PRPSAP1: variants seen among roughly 807,000 people sequenced by gnomAD.
PRPSAP1 encodes phosphoribosyl pyrophosphate synthase-associated protein 1.
In PRPSAP1, 31 loss-of-function variants were observed where a neutral mutation model predicts 39.4. The observed-to-expected ratio is 0.79, with a 90% CI of 0.59 to 1.06. PRPSAP1 has a LOEUF of 1.06. PRPSAP1 is among the 50% of genes least tolerant of loss of function. The pLI is 0.00. For missense variants in PRPSAP1, 430 were observed against 511.6 expected (o/e 0.84, Z 1.54); for synonymous variants, 212 against 192.6 (o/e 1.10, Z -0.83).
At chr17:76,332,492 G>C in intron 3 of PRPSAP1, 57 bp from the exon 4 acceptor site, 3 of 1,589,436 alleles carry the variant, frequency 1.9e-6, no homozygotes, top group Non-Finnish European at 1.7e-6. Flanking sequence ...CCCTAGAAAA[G>C]ATCTTGACTT....
At chr17:76,323,043 T>C (rs1400356557) in intron 7 of PRPSAP1, among the ~76,000 whole-genome samples, 1 of 150,566 alleles carries the variant, frequency 6.6e-6, no homozygotes, top group African/African-American at 2.5e-5. Context: ...TAAAATAAAA[T>C]AAAAAGAAAT....
At chr17:76,313,720 C>T (rs1410074902) in intron 8 of PRPSAP1, 101 bp downstream of exon 8, 3 of 1,285,452 alleles carry the variant, frequency 2.3e-6, no homozygotes, top group Non-Finnish European at 3.4e-6. Context: ...TACATGGATC[C>T]ATTCGGATCA....
Position 76,309,751 on chromosome 17 carries a change from A to G in PRPSAP1, c.*1791T>C, listed in dbSNP as rs2071049714. ...TGCATAGCTTATATGCAGATACTAC[A>G]CCATTTTCTATCAGGGACTTGCACA... On this transcript the variant is annotated 3_prime_UTR_variant, in exon 10 of 10. Coordinates refer to ENST00000446526, the MANE Select transcript of PRPSAP1 (RefSeq NM_002766.3). 1 of 152,222 alleles carries G rather than the reference A, an allele frequency of 6.6e-6. No individual in the cohort carries two copies. Among genetic ancestry groups the G allele is most frequent in the Non-Finnish European group, 1.5e-5 (1 of 68,034 alleles). 9.4% of individuals were successfully genotyped at this position (152,222 alleles called of 1,614,324 possible).
chr17:76,332,300 A>C lies in PRPSAP1; in HGVS notation c.426T>G (p.Ile142Met). 1 of 1,614,066 alleles carries C rather than the reference A, an allele frequency of 6.2e-7. No individual in the cohort carries two copies. The change falls in exon 4 of 10, where the codon ATT becomes ATG. Residue 142 changes from isoleucine to methionine, a missense_variant. By Grantham distance (10) the Ile-to-Met change is conservative (BLOSUM62 1). Transcript: ENST00000446526. The stretch of plus-strand genomic sequence containing the variant: ...GCATGGATGCTAGCAGCTTGCACAC[A>C]ATGGAACCCCTCTTCCTCATCTTGC... ...KQSKMRKRGS[I>M]VCKLLASMLA... is the part of the protein sequence containing the mutation.
chr17:76,347,204 G>A (rs1231190552), intron 2 of PRPSAP1, among the ~76,000 whole-genome samples: 2 of 148,712 alleles, frequency 1.3e-5, no homozygotes, highest in Non-Finnish European at 3.0e-5. Context: ...CAGACAGAGT[G>A]GGCCGGGCGC....
chr17:76,344,498 C>G (rs1369841419), intron 3 of PRPSAP1, among the ~76,000 whole-genome samples, 173 bp downstream of exon 3: 1 of 152,136 alleles, frequency 6.6e-6, no homozygotes, highest in Non-Finnish European at 1.5e-5. Flanking sequence ...AACTCCTGAC[C>G]TCGTGATCCG....
intron 8 of PRPSAP1, 57 bp from the exon 9 acceptor site, chr17:76,313,073 C>G: frequency 3.2e-6 from 5 of 1,562,644 alleles, no homozygotes; most frequent in Non-Finnish European, 4.3e-6. Context: ...CCCATACTGT[C>G]AATGCACACA....
intron 9 of PRPSAP1, 89 bp from the exon 10 acceptor site, chr17:76,311,789 C>T: frequency 7.1e-7 from 1 of 1,417,214 alleles, no homozygotes; most frequent in East Asian, 2.5e-5. Flanking sequence ...ACATTGAGTT[C>T]CCACAGCCTA....
At chr17:76,348,478 A>G (rs2071534160) in intron 2 of PRPSAP1, 51 bp downstream of exon 2, 1 of 1,223,628 alleles carries the variant, frequency 8.2e-7, no homozygotes, top group East Asian at 3.1e-5. Context: ...GTCTCAAAAA[A>G]ACTAAATAAA....
intron 4 of PRPSAP1, among the ~76,000 whole-genome samples, chr17:76,331,235 T>C (rs1357530213): frequency 2.6e-5 from 4 of 152,162 alleles, no homozygotes; most frequent in African/African-American, 7.2e-5. Context: ...GGTACATATA[T>C]ATAAACACAT....
intron 7 of PRPSAP1, among the ~76,000 whole-genome samples, chr17:76,327,440 G>A (rs1431416753): frequency 6.6e-6 from 1 of 152,072 alleles, no homozygotes; most frequent in African/African-American, 2.4e-5. Context: ...GGATCACAAT[G>A]TCAAGAGATC....
intron 3 of PRPSAP1, among the ~76,000 whole-genome samples, chr17:76,333,670 CAAAA>C (rs11380786): frequency 5.3e-5 from 8 of 150,322 alleles, no homozygotes; most frequent in African/African-American, 2.0e-4. Context: ...ACAAAACAAA[CAAAA>C]AAAAACCTCC....
intron 3 of PRPSAP1, among the ~76,000 whole-genome samples, chr17:76,341,362 C>T (rs1475583068): frequency 6.6e-6 from 1 of 151,440 alleles, no homozygotes; most frequent in Non-Finnish European, 1.5e-5. Context: ...CTCAACCACC[C>T]GAGTAGCTCA....
rs2071311857 is a variant in PRPSAP1, at chr17:76,330,639, A to C, written c.491T>G (p.Leu164Arg). The change falls in exon 5 of 10, where the codon CTT (leucine) becomes CGT (arginine). Residue 164 changes from leucine to arginine, a missense_variant. This residue lies in a region of PRPSAP1 where 278 missense variants were observed against 376.3 expected (regional missense o/e 0.74). Coordinates refer to ENST00000446526, the MANE Select transcript of PRPSAP1 (RefSeq NM_002766.3). ...AAAGCCTTGTATTTCCTTTTGATGA[A>C]GATCCATAGTGATAATGTGAGTTAA... Reference protein sequence around the residue: ...AGLTHIITMDLHQKEIQGFFS... With the variant: ...AGLTHIITMDRHQKEIQGFFS... 1 of 1,612,546 alleles carries C rather than the reference A, an allele frequency of 6.2e-7. No homozygotes were observed. Among genetic ancestry groups the C allele is most frequent in the African/African-American group, 1.3e-5 (1 of 74,884 alleles).
chr17:76,328,772 A>AC lies in PRPSAP1; in HGVS notation c.725dup (p.His243SerfsTer44). 6.2e-7 allele frequency: 1 copy of AC among 1,614,186 alleles called. No homozygotes were observed. The highest frequency in any genetic ancestry group is 1.1e-5 in the South Asian group (1 of 91,076). On this transcript the variant is annotated frameshift_variant, in exon 7 of 10. Coordinates refer to ENST00000446526, the MANE Select transcript of PRPSAP1 (RefSeq NM_002766.3). LOFTEE classifies it high-confidence loss of function. ...CATTTTTGACCATAGGCGGGGAGTG[A>AC]CGACCATCGTCCATGTCCAGTTCCG...
rs2071046647 is a variant in PRPSAP1, at chr17:76,309,553, G to GC, written c.*1988_*1989insG. Reference sequence around the variant, plus strand: ...GAAGCACAGCAAGGCTACTTAAAGAGAACCTATGAATGTGTGCCATGCATG... The same window carrying GC: ...GAAGCACAGCAAGGCTACTTAAAGAGCAACCTATGAATGTGTGCCATGCATG... On this transcript the variant is annotated 3_prime_UTR_variant, in exon 10 of 10. Coordinates refer to ENST00000446526, the MANE Select transcript of PRPSAP1 (RefSeq NM_002766.3). The GC allele has an allele frequency of 6.6e-6, 1 of 152,148 alleles. No individual in the cohort carries two copies. Among genetic ancestry groups the GC allele is most frequent in the Non-Finnish European group, 1.5e-5 (1 of 68,038 alleles). 9.4% of individuals were successfully genotyped at this position (152,148 alleles called of 1,614,324 possible).
At chr17:76,311,962 A>G (rs1567795682) in intron 9 of PRPSAP1, among the ~76,000 whole-genome samples, 2 of 152,222 alleles carry the variant, frequency 1.3e-5, no homozygotes, top group Non-Finnish European at 2.9e-5. Context: ...AGTGCTATGC[A>G]AAACTCTCAG....
At position 76,352,733 on chromosome 17, in the gene PRPSAP1, C is replaced by T. The variant is rs2071592228; in HGVS notation, c.170+801G>A. Reference sequence around the variant, plus strand: ...ACTATTCAGAGGGCCACTATGAGCCCCTACTCTGCTAGAACCAGATACTAC... The same window carrying T: ...ACTATTCAGAGGGCCACTATGAGCCTCTACTCTGCTAGAACCAGATACTAC... On this transcript the variant is annotated intron_variant, in intron 1 of 9. Coordinates refer to ENST00000446526, the MANE Select transcript of PRPSAP1 (RefSeq NM_002766.3). Among the ~76,000 whole-genome samples, 6 of 152,060 alleles carry T rather than the reference C, an allele frequency of 3.9e-5. No individual in the cohort carries two copies. In the South Asian group the frequency reaches 1.0e-3, roughly 26 times the overall value.
In PRPSAP1 at chr17:76,311,605, A is replaced by G. The variant is rs758002068; in HGVS notation, c.1095T>C (p.Ile365=). 6.2e-7 allele frequency: 1 copy of G among 1,614,184 alleles called. No individual in the cohort carries two copies. The highest frequency in any genetic ancestry group is 8.5e-7 in the Non-Finnish European group (1 of 1,180,028). Residue 365 remains isoleucine (I), a synonymous_variant, in exon 10 of 10, where the codon ATT becomes ATC. Transcript: ENST00000446526. The stretch of plus-strand genomic sequence containing the variant: ...TGGACTCTCCATTGTGGATTCTCCG[A>G]ATGGCTTCAGAAAGAATCAAACTGA... ...VDISLILSEA[I]RRIHNGESMA...
Sources: gnomAD v4.1 joint callset for allele counts (sites outside exome capture counted in the v4.1 genomes callset) on GRCh38, gnomAD v4.1.1 for gene constraint, gnomAD v4.1.1 regional missense constraint, MANE v1.5 for transcripts, NCBI Gene and HGNC (gene_info 2026-07-23, HGNC 2026-07-21) for gene names.